The following CIP2A variants were observed in gnomAD, a reference collection of about 807,000 sequenced individuals.
CIP2A encodes cellular inhibitor of PP2A.
In CIP2A, 103 loss-of-function variants were observed where a neutral mutation model predicts 110.9. The ratio of observed to expected loss-of-function variants is 0.93; its 90% CI spans 0.79 to 1.09. CIP2A has a LOEUF of 1.09. Ranked by LOEUF, CIP2A falls within the 50% of genes least tolerant of loss-of-function variation. The pLI, the probability that CIP2A is intolerant of heterozygous loss-of-function variation, is 0.00. For synonymous variants in CIP2A, 381 were observed against 361.6 expected (o/e 1.05, Z -0.61); for missense variants, 1,088 against 1,038.4 (o/e 1.05, Z -0.66).
chr3:108,551,371 T>C lies in CIP2A; in HGVS notation c.2548-52A>G, dbSNP rs376630838. 21 of 1,359,528 alleles carry C rather than the reference T, an allele frequency of 1.5e-5. No homozygotes were observed. In the African/African-American group the frequency reaches 2.6e-4, roughly 17 times the overall value. The allele number at this position is 1,359,528 out of a possible 1,614,324, so 84.2% of individuals were successfully genotyped here. On this transcript the variant is annotated intron_variant, in intron 20 of 20. Transcript: ENST00000295746. ...GAAGAATTGAGAAGAAAAATAACTT[T>C]AATGTTTTCTCTATACATATATTTT... is the stretch of plus-strand genomic sequence containing the variant.
At chr3:108,563,048 A>G (rs1938060027) in intron 13 of CIP2A, 78 bp downstream of exon 13, 1 of 844,292 alleles carries the variant, frequency 1.2e-6, no homozygotes, top group African/African-American at 1.7e-5. Context: ...TTGCTTGTGT[A>G]TCTATACTGA....
chr3:108,579,766 G>T, intron 5 of CIP2A, 78 bp from the exon 6 acceptor site: 3 of 789,628 alleles, frequency 3.8e-6, no homozygotes, highest in Non-Finnish European at 3.7e-6. Flanking sequence ...CTTGCACAGA[G>T]TGGGCAAACT....
intron 3 of CIP2A, 103 bp downstream of exon 3, chr3:108,582,874 A>C (rs940199750): frequency 2.0e-6 from 1 of 503,608 alleles, no homozygotes; most frequent in African/African-American, 2.0e-5. Flanking sequence ...TGTAGTATTT[A>C]TTATATAGCA....
intron 2 of CIP2A, among the ~76,000 whole-genome samples, chr3:108,584,688 G>A (rs1170499153): frequency 2.0e-5 from 3 of 151,972 alleles, no homozygotes; most frequent in African/African-American, 7.2e-5. Context: ...TAATACTTCT[G>A]GATCACTAGA....
intron 14 of CIP2A, 67 bp from the exon 15 acceptor site, chr3:108,560,095 G>A: frequency 2.3e-6 from 2 of 857,364 alleles, no homozygotes; most frequent in South Asian, 1.6e-5. Context: ...CAAAATAAAT[G>A]CCTACTTCAA....
intron 8 of CIP2A, among the ~76,000 whole-genome samples, chr3:108,575,418 ATACATG>A (rs1938553534): frequency 1.0e-5 from 1 of 95,548 alleles, no homozygotes; most frequent in Non-Finnish European, 2.5e-5. Flanking sequence ...ATGTATACAT[ATACATG>A]TATACATACA....
At chr3:108,565,276 T>G in intron 12 of CIP2A, 79 bp downstream of exon 12, 1 of 716,832 alleles carries the variant, frequency 1.4e-6, no homozygotes, top group South Asian at 1.8e-5. Context: ...TTCTAAAGAT[T>G]AAGAATATTA....
In CIP2A at chr3:108,553,052, CCT is replaced by C. The variant is rs1235231325; in HGVS notation, c.2407+594_2407+595del. ...GTGTAACAGACCTGCACACATGCCC[CCT>C]GATTCTAAAAGTTGAAATAATAAAA... On this transcript the variant is annotated intron_variant, in intron 19 of 20. Coordinates refer to ENST00000295746, the MANE Select transcript of CIP2A (RefSeq NM_020890.3). Among the ~76,000 whole-genome samples the C allele has an allele frequency of 4.6e-5, 7 of 151,832 alleles. No homozygotes were observed. The East Asian group carries it at 5.8e-4, about 13-fold the overall frequency.
At position 108,557,231 on chromosome 3, in the gene CIP2A, C is replaced by G; in HGVS notation, c.2197G>C (p.Glu733Gln). The stretch of plus-strand genomic sequence containing the variant: ...TACTTTATTTACCTCTGAAGAAGTT[C>G]CATGTAGGATTTTGTCAGTATTTCA... ...EHEILTKSYMELLQRNESTEK... is the reference protein window; with the variant it reads ...EHEILTKSYMQLLQRNESTEK... The change falls in exon 17 of 21, where the codon GAA becomes CAA. Residue 733 changes from glutamate to glutamine, a missense_variant. Transcript: ENST00000295746. 6.3e-7 allele frequency: 1 copy of G among 1,588,580 alleles called. No individual in the cohort carries two copies. The highest frequency in any genetic ancestry group is 8.6e-7 in the Non-Finnish European group (1 of 1,162,206).
intron 10 of CIP2A, 57 bp downstream of exon 10, chr3:108,568,098 T>C: frequency 8.0e-7 from 1 of 1,256,304 alleles, no homozygotes. Context: ...AATGCAATAC[T>C]AGAAAAAAAA....
chr3:108,585,216 T>C lies in CIP2A; in HGVS notation c.103-4A>G, dbSNP rs758545532. 16 of 1,595,996 alleles carry C rather than the reference T, an allele frequency of 1.0e-5. No individual in the cohort carries two copies. Among genetic ancestry groups the C allele is most frequent in the Non-Finnish European group, 1.3e-5 (15 of 1,170,160 alleles). The stretch of plus-strand genomic sequence containing the variant: ...TGAGTTTCTGTCCAGAAATTACCTA[T>C]AAAATAGTAATCAAAATGTGTTGGT... On this transcript the variant is annotated splice_polypyrimidine_tract_variant and splice_region_variant and intron_variant, in intron 1 of 20. Coordinates refer to ENST00000295746, the MANE Select transcript of CIP2A (RefSeq NM_020890.3).
At chr3:108,558,474 T>C (rs1158401043) in intron 16 of CIP2A, among the ~76,000 whole-genome samples, 1 of 152,166 alleles carries the variant, frequency 6.6e-6, no homozygotes, top group Non-Finnish European at 1.5e-5. Flanking sequence ...ATTATATATG[T>C]ACATAATACA....
At chr3:108,565,833 C>G (rs1938161602) in intron 11 of CIP2A, among the ~76,000 whole-genome samples, 1 of 151,706 alleles carries the variant, frequency 6.6e-6, no homozygotes, top group South Asian at 2.1e-4. Context: ...ATGAATTACA[C>G]TAGGTCATGT....
intron 8 of CIP2A, among the ~76,000 whole-genome samples, chr3:108,575,303 C>A (rs987799435): frequency 4.3e-5 from 6 of 137,970 alleles, no homozygotes; most frequent in Non-Finnish European, 8.9e-5. Flanking sequence ...CACACGTGTA[C>A]GTACACACAC....
At chr3:108,588,394 C>T (rs1296335169) in intron 1 of CIP2A, among the ~76,000 whole-genome samples, 2 of 152,192 alleles carry the variant, frequency 1.3e-5, no homozygotes, top group African/African-American at 2.4e-5. Flanking sequence ...AATACAACAG[C>T]AGCTTCACTA....
Position 108,557,200 on chromosome 3 carries a change from A to C in CIP2A, c.2210+18T>G. On this transcript the variant is annotated intron_variant, in intron 17 of 20. Coordinates refer to ENST00000295746, the MANE Select transcript of CIP2A (RefSeq NM_020890.3). The stretch of plus-strand genomic sequence containing the variant: ...ATTCTAGGTTCTAACCTTACACAGA[A>C]GATTTTACTTTATTTACCTCTGAAG... The C allele has an allele frequency of 6.6e-7, 1 of 1,505,528 alleles. No individual in the cohort carries two copies. 93.3% of individuals were successfully genotyped at this position (1,505,528 alleles called of 1,614,324 possible).
At chr3:108,582,614 T>C (rs1938919043) in intron 3 of CIP2A, among the ~76,000 whole-genome samples, 1 of 152,226 alleles carries the variant, frequency 6.6e-6, no homozygotes, top group Admixed American at 6.5e-5. Flanking sequence ...ATAGACTCTA[T>C]CTACAGCTTT....
chr3:108,568,323 T>C lies in CIP2A; in HGVS notation c.1114-9A>G, dbSNP rs776124568. Reference sequence around the variant, plus strand: ...GCAGCATCTATGACATCCTGGAGAATTATCCATCACAAATGATTAAAAGCA... The same window carrying C: ...GCAGCATCTATGACATCCTGGAGAACTATCCATCACAAATGATTAAAAGCA... On this transcript the variant is annotated splice_polypyrimidine_tract_variant and intron_variant, in intron 9 of 20. Transcript: ENST00000295746. The C allele has an allele frequency of 8.1e-6, 13 of 1,609,646 alleles. No individual in the cohort carries two copies. The highest frequency in any genetic ancestry group is 3.4e-5 in the Admixed American group (2 of 59,582).
At chr3:108,577,147 T>C (rs1348799833) in intron 7 of CIP2A, among the ~76,000 whole-genome samples, 1 of 152,190 alleles carries the variant, frequency 6.6e-6, no homozygotes, top group African/African-American at 2.4e-5. Flanking sequence ...GGAAGTTCTA[T>C]TTATTGTCTG....
Sources: gnomAD v4.1 joint callset for allele counts (sites outside exome capture counted in the v4.1 genomes callset) on GRCh38, gnomAD v4.1.1 for gene constraint, MANE v1.5 for transcripts, NCBI Gene and HGNC (gene_info 2026-07-23, HGNC 2026-07-21) for gene names.